Variants in FGF10 observed in about 807,000 individuals in gnomAD.
FGF10 encodes the protein fibroblast growth factor 10, also known as FGF-10.
A neutral mutation model predicts 19.8 loss-of-function variants in FGF10; 2 were observed. The ratio of observed to expected loss-of-function variants is 0.10; its 90% confidence interval spans 0.04 to 0.32. The LOEUF (loss-of-function observed/expected upper bound fraction) is 0.32, where lower values mean the gene tolerates loss of function less well. Among genes scored for constraint, FGF10 ranks in the 10% least tolerant of loss-of-function variants. FGF10 has a pLI of 1.00. For missense variants in FGF10, 191 were observed against 246.3 expected, an observed-to-expected ratio of 0.78 and a Z score of 1.50; for synonymous variants, 112 against 94.0, an observed-to-expected ratio of 1.19 and a Z score of -1.10.
intron 1 of FGF10, among the ~76,000 whole-genome samples, chr5:44,332,402 T>G (rs533574322): frequency 6.6e-6 from 1 of 152,300 alleles, no homozygotes; most frequent in South Asian, 2.1e-4. Context: ...CTTATTTCAT[T>G]AATCTCACAT....
chr5:44,379,015 G>T (rs962894478), intron 1 of FGF10, among the ~76,000 whole-genome samples: 1 of 152,096 alleles, frequency 6.6e-6, no homozygotes, highest in East Asian at 1.9e-4. Context: ...TCTTGAATGA[G>T]GCACCAAACT....
rs757950282 is a variant in FGF10 at position 44,388,415 on chromosome 5, G to C, written c.268C>G (p.Leu90Val). ...RKLFSFTKYF[L>V]KIEKNGKVSG... is the part of the protein sequence containing the mutation. The stretch of plus-strand genomic sequence containing the variant: ...ACCTTCCCGTTCTTCTCAATCTTGA[G>C]AAAGTACTTGGTGAAAGAGAATAGC... The change falls in exon 1 of 3, where the codon CTC becomes GTC. Residue 90 changes from leucine (L) to valine (V), a missense_variant. Leu to Val is a conservative substitution (Grantham distance 32, BLOSUM62 1). Coordinates refer to ENST00000264664, the MANE Select transcript of FGF10 (RefSeq NM_004465.2). 1 of 1,613,874 alleles carries C rather than the reference G, an allele frequency of 6.2e-7. No homozygotes were observed. Among genetic ancestry groups the C allele is most frequent in the Non-Finnish European group, 8.5e-7 (1 of 1,180,024 alleles).
intron 1 of FGF10, among the ~76,000 whole-genome samples, chr5:44,341,686 C>T (rs1205349385): frequency 6.6e-6 from 1 of 151,920 alleles, no homozygotes; most frequent in Non-Finnish European, 1.5e-5. Flanking sequence ...TATGGTTGCT[C>T]AGCACTGCTA....
chr5:44,348,738 G>A (rs1345477352), intron 1 of FGF10, among the ~76,000 whole-genome samples: 1 of 151,492 alleles, frequency 6.6e-6, no homozygotes, highest in Non-Finnish European at 1.5e-5. Context: ...AAAAGAATCT[G>A]TTATTTATCT....
chr5:44,347,262 T>A (rs543909588), intron 1 of FGF10, among the ~76,000 whole-genome samples: 12 of 151,712 alleles, frequency 7.9e-5, no homozygotes, highest in Non-Finnish European at 1.6e-4. Flanking sequence ...CTCACTCGAC[T>A]CTCTCCTTCA....
At chr5:44,356,126 A>G (rs1166498736) in intron 1 of FGF10, among the ~76,000 whole-genome samples, 1 of 151,488 alleles carries the variant, frequency 6.6e-6, no homozygotes, top group Non-Finnish European at 1.5e-5. Flanking sequence ...GCATTTTAAC[A>G]AATTTGAGAA....
At chr5:44,317,902 G>T (rs1465349852) in intron 1 of FGF10, among the ~76,000 whole-genome samples, 1 of 152,118 alleles carries the variant, frequency 6.6e-6, no homozygotes, top group Non-Finnish European at 1.5e-5. Flanking sequence ...GTCTAGGACA[G>T]AAATGGATTT....
At chr5:44,334,933 CTT>C (rs985052825) in intron 1 of FGF10, among the ~76,000 whole-genome samples, 7 of 152,130 alleles carry the variant, frequency 4.6e-5, no homozygotes, top group African/African-American at 1.7e-4. Context: ...GAACTTTTCC[CTT>C]TCTTTGTCTC....
chr5:44,305,681 A>G (rs1412816561), intron 2 of FGF10, among the ~76,000 whole-genome samples: 1 of 152,182 alleles, frequency 6.6e-6, no homozygotes, highest in Non-Finnish European at 1.5e-5. Flanking sequence ...TTCATAAGAA[A>G]GCAGAGCTTA....
intron 1 of FGF10, among the ~76,000 whole-genome samples, chr5:44,313,521 A>G (rs6868853): frequency 0.12 from 18,108 of 151,778 alleles, 2,675 homozygotes; most frequent in African/African-American, 0.34. Context: ...GGCATACTGG[A>G]TCTCCCCGTG....
chr5:44,367,316 CT>C (rs1297181622), intron 1 of FGF10, among the ~76,000 whole-genome samples: 1 of 151,890 alleles, frequency 6.6e-6, no homozygotes, highest in African/African-American at 2.4e-5. Flanking sequence ...AAGAAGAGAT[CT>C]TTTTTTGTTC....
At chr5:44,367,805 T>G (rs1265778792) in intron 1 of FGF10, among the ~76,000 whole-genome samples, 3 of 151,338 alleles carry the variant, frequency 2.0e-5, no homozygotes, top group Non-Finnish European at 1.5e-5. Context: ...CCAGTTTGCA[T>G]TAATCATTCA....
At chr5:44,337,137 T>G (rs1046678060) in intron 1 of FGF10, among the ~76,000 whole-genome samples, 18 of 152,044 alleles carry the variant, frequency 1.2e-4, no homozygotes, top group African/African-American at 3.9e-4. Context: ...TTATTACATT[T>G]TTTTTCTAAA....
chr5:44,381,635 A>C (rs2111920140), intron 1 of FGF10, among the ~76,000 whole-genome samples: 1 of 152,358 alleles, frequency 6.6e-6, no homozygotes, highest in East Asian at 1.9e-4. Flanking sequence ...TAAAGACTCT[A>C]TGAACATGTC....
chr5:44,365,347 T>A (rs1328165554), intron 1 of FGF10, among the ~76,000 whole-genome samples: 4 of 82,016 alleles, frequency 4.9e-5, no homozygotes, highest in Admixed American at 1.1e-4. Flanking sequence ...CTCAAATAAT[T>A]TGCAAAAAAA....
intron 1 of FGF10, among the ~76,000 whole-genome samples, chr5:44,372,463 C>A (rs1391851988): frequency 1.3e-5 from 2 of 152,114 alleles, no homozygotes; most frequent in Non-Finnish European, 2.9e-5. Flanking sequence ...CAAAACTTTA[C>A]CATATAAGGT....
At chr5:44,387,904 A>G (rs1742139674) in intron 1 of FGF10, among the ~76,000 whole-genome samples, 1 of 152,118 alleles carries the variant, frequency 6.6e-6, no homozygotes, top group African/African-American at 2.4e-5. Context: ...GCGGATAATT[A>G]TTTTCAGCTT....
chr5:44,306,541 T>C (rs1440134107), intron 2 of FGF10, among the ~76,000 whole-genome samples: 1 of 152,232 alleles, frequency 6.6e-6, no homozygotes, highest in East Asian at 1.9e-4. Context: ...CCCGTGGGCA[T>C]AGTTCAGTTG....
chr5:44,333,124 C>T (rs1182809441), intron 1 of FGF10, among the ~76,000 whole-genome samples: 2 of 151,978 alleles, frequency 1.3e-5, no homozygotes, highest in Non-Finnish European at 2.9e-5. Flanking sequence ...AAAATTACAA[C>T]TTCTTGAATC....
Sources: gnomAD v4.1 joint callset for allele counts (sites outside exome capture counted in the v4.1 genomes callset) on GRCh38, gnomAD v4.1.1 for gene constraint, MANE v1.5 for transcripts, NCBI Gene and HGNC (gene_info 2026-07-23, HGNC 2026-07-21) for gene names.